OSMR: variants seen among roughly 807,000 people sequenced by gnomAD.
The protein encoded by OSMR is oncostatin-M-specific receptor subunit beta.
Under a neutral mutation model 99.9 loss-of-function variants are expected in OSMR, and 81 were observed. That is an observed-to-expected ratio of 0.81 (90% confidence interval 0.68 to 0.97). The LOEUF (loss-of-function observed/expected upper bound fraction) is 0.97. Ranked by LOEUF, OSMR falls within the 50% of genes least tolerant of loss-of-function variation. OSMR has a pLI of 0.00. For missense variants in OSMR, 1,099 were observed against 1,153.4 expected, an observed-to-expected ratio of 0.95 and a Z score of 0.68; for synonymous variants, 406 against 410.4, an observed-to-expected ratio of 0.99 and a Z score of 0.13.
At chr5:38,893,650 A>G (rs1322637993) in intron 7 of OSMR, among the ~76,000 whole-genome samples, 2 of 146,118 alleles carry the variant, frequency 1.4e-5, no homozygotes, top group East Asian at 3.8e-4. Flanking sequence ...AAAAATGAAC[A>G]AAGTCTTTAA....
At position 38,932,943 on chromosome 5, in the gene OSMR, A is replaced by C; in HGVS notation, c.2439A>C (p.Pro813=). The C allele has an allele frequency of 1.2e-6, 2 of 1,614,230 alleles. No homozygotes were observed. The highest frequency in any genetic ancestry group is 1.7e-6 in the Non-Finnish European group (2 of 1,180,014). ...IPDAIEVVSK[P]EGTKIQFLGT... Reference sequence around the variant, plus strand: ...ATGCTATTGAAGTTGTAAGCAAGCCAGAAGGGACAAAGATACAGTTCCTAG... The same window carrying C: ...ATGCTATTGAAGTTGTAAGCAAGCCCGAAGGGACAAAGATACAGTTCCTAG... Residue 813 remains proline (P), a synonymous_variant, in exon 18 of 18, where the codon CCA becomes CCC. Transcript: ENST00000274276.
At chr5:38,852,599 T>C (rs1463803961) in intron 1 of OSMR, among the ~76,000 whole-genome samples, 8 of 152,174 alleles carry the variant, frequency 5.3e-5, no homozygotes, top group Non-Finnish European at 1.0e-4. Context: ...TTTCCCTCTT[T>C]TCATGAATTA....
chr5:38,940,145 A>AC, downstream of OSMR: 1 of 115,864 alleles, frequency 8.6e-6, no homozygotes, highest in Admixed American at 1.2e-4. Flanking sequence ...AAAAAAAACA[A>AC]AAAAAAAAAC....
intron 1 of OSMR, among the ~76,000 whole-genome samples, chr5:38,859,427 C>G (rs1193732068): frequency 6.6e-6 from 1 of 152,100 alleles, no homozygotes; most frequent in Non-Finnish European, 1.5e-5. Context: ...GAATTTATTT[C>G]TGGGTTCTCT....
intron 7 of OSMR, among the ~76,000 whole-genome samples, chr5:38,887,277 G>A (rs989554407): frequency 6.6e-6 from 1 of 151,960 alleles, no homozygotes; most frequent in Non-Finnish European, 1.5e-5. Flanking sequence ...ATATTTTAAA[G>A]GTATCATTTC....
chr5:38,926,278 G>T (rs1182551974), intron 15 of OSMR, among the ~76,000 whole-genome samples: 2 of 152,168 alleles, frequency 1.3e-5, no homozygotes, highest in African/African-American at 4.8e-5. Context: ...ACATCCTGTT[G>T]GACTGCTGAC....
rs550323119 is a variant in OSMR at position 38,873,786 on chromosome 5, C to G, written c.74-2415C>G. On this transcript the variant is annotated intron_variant, in intron 2 of 17. Transcript: ENST00000274276. Reference sequence around the variant, plus strand: ...GCTTGTTAGCCATTTATATATCTTCCTTGGAGAAATGTTCATTCAAGTCTT... The same window carrying G: ...GCTTGTTAGCCATTTATATATCTTCGTTGGAGAAATGTTCATTCAAGTCTT... 1.1e-4 allele frequency among the ~76,000 whole-genome samples: 16 copies of G among 152,012 alleles called. No individual in the cohort carries two copies. The East Asian group carries it at 3.1e-3, about 29-fold the overall frequency.
intron 7 of OSMR, among the ~76,000 whole-genome samples, chr5:38,894,954 G>A (rs150123024): frequency 1.7e-3 from 262 of 151,286 alleles, no homozygotes; most frequent in African/African-American, 5.9e-3. Flanking sequence ...CCAGATGCTC[G>A]GCCATAAATC....
At chr5:38,896,000 A>T (rs1744485289) in intron 7 of OSMR, among the ~76,000 whole-genome samples, 1 of 151,976 alleles carries the variant, frequency 6.6e-6, no homozygotes, top group Admixed American at 6.5e-5. Context: ...AGTCTGTTCT[A>T]CTGGTCTATG....
chr5:38,849,995 G>A (rs1298807891), intron 1 of OSMR, among the ~76,000 whole-genome samples: 1 of 152,044 alleles, frequency 6.6e-6, no homozygotes. Flanking sequence ...TCCTACTCAT[G>A]GTTTTGCAGA....
chr5:38,892,600 A>G (rs1005119724), intron 7 of OSMR, among the ~76,000 whole-genome samples: 2 of 152,136 alleles, frequency 1.3e-5, no homozygotes, highest in African/African-American at 2.4e-5. Context: ...ATGTCCCCCC[A>G]TACAAGAAGT....
At chr5:38,853,916 T>C (rs1380451799) in intron 1 of OSMR, among the ~76,000 whole-genome samples, 1 of 152,156 alleles carries the variant, frequency 6.6e-6, no homozygotes. Context: ...CCCATGGCTG[T>C]AGCTTCTGAC....
chr5:38,876,391 C>T lies in OSMR; in HGVS notation c.246+18C>T. On this transcript the variant is annotated intron_variant, in intron 3 of 17. Coordinates refer to ENST00000274276, the MANE Select transcript of OSMR (RefSeq NM_003999.3). ...TCTGGGTGGTAAGTAATTTTTTTGG[C>T]TCAATATTTAAAAAATCATCTTTAA... 6.2e-7 allele frequency: 1 copy of T among 1,601,314 alleles called. No homozygotes were observed. Among genetic ancestry groups the T allele is most frequent in the East Asian group, 2.2e-5 (1 of 44,772 alleles).
Position 38,923,217 on chromosome 5 carries a change from T to C in OSMR, c.1833T>C (p.Cys611=), listed in dbSNP as rs1746316952. 1 of 1,611,818 alleles carries C rather than the reference T, an allele frequency of 6.2e-7. No individual in the cohort carries two copies. Among genetic ancestry groups the C allele is most frequent in the Non-Finnish European group, 8.5e-7 (1 of 1,177,970 alleles). The part of the protein sequence containing the change: ...IYGLSTKRIA[C]LLEKKTGYSQ... ...GGTTATCTACAAAAAGGATTGCTTGTTTATTAGAGAAAAAAACAGGATACT... is the reference window on the plus strand; with the variant it reads ...GGTTATCTACAAAAAGGATTGCTTGCTTATTAGAGAAAAAAACAGGATACT... The change falls in exon 13 of 18, where the codon TGT becomes TGC. Residue 611 remains cysteine (C), a synonymous_variant. Transcript: ENST00000274276.
At position 38,879,622 on chromosome 5, in the gene OSMR, C is replaced by CTT. The variant is rs1173567281; in HGVS notation, c.247-1953_247-1952dup. On this transcript the variant is annotated intron_variant, in intron 3 of 17. Coordinates refer to ENST00000274276, the MANE Select transcript of OSMR (RefSeq NM_003999.3). ...GGGGGAAGAGAGGAAATATTTGCTC[C>CTT]TTTTTTTTTTTTTTTTTTTGAGATG... Among the ~76,000 whole-genome samples the CTT allele has an allele frequency of 1.3e-3, 171 of 131,216 alleles. 2 individuals carry two copies. The highest frequency in any genetic ancestry group is 7.3e-3 in the Admixed American group (95 of 13,078). The allele number at this position is 131,216 out of a possible 152,430, so 86.1% of individuals were successfully genotyped here. A position where few individuals can be genotyped will look rare whatever the true frequency, so the allele number is the denominator to read the frequency against.
intron 11 of OSMR, among the ~76,000 whole-genome samples, chr5:38,920,906 T>C (rs566488706): frequency 6.6e-6 from 1 of 152,324 alleles, no homozygotes; most frequent in East Asian, 1.9e-4. Context: ...TATATTGACA[T>C]GGCAGTATTA....
At position 38,932,517 on chromosome 5, in the gene OSMR, G is replaced by A. The variant is rs1316445929; in HGVS notation, c.2349G>A (p.Leu783=). 1.9e-6 allele frequency: 3 copies of A among 1,613,382 alleles called. No individual in the cohort carries two copies. Among genetic ancestry groups the A allele is most frequent in the Non-Finnish European group, 2.5e-6 (3 of 1,179,536 alleles). ...DIPDPYKSSI[L]SLIKFKENPH... ...CTGACCCTTACAAGAGCAGCATCCT[G>A]TCATTAATAAAATTCAAGGTAAATG... The change falls in exon 17 of 18, where the codon CTG becomes CTA. Residue 783 remains leucine (L), a synonymous_variant. Coordinates refer to ENST00000274276, the MANE Select transcript of OSMR (RefSeq NM_003999.3).
rs1746599109 is a variant in OSMR, at chr5:38,928,972, G to A, written c.2213-2911G>A. On this transcript the variant is annotated intron_variant, in intron 15 of 17. Transcript: ENST00000274276. Reference sequence around the variant, plus strand: ...TCTAAGTCTCATTCATCTCCCTTATGTTAAACTTCATTAGCCCTGGCTTGG... The same window carrying A: ...TCTAAGTCTCATTCATCTCCCTTATATTAAACTTCATTAGCCCTGGCTTGG... 2.6e-5 allele frequency among the ~76,000 whole-genome samples: 4 copies of A among 151,970 alleles called. No homozygotes were observed. The South Asian group carries it at 8.3e-4, about 32-fold the overall frequency.
At chr5:38,896,720 G>C (rs1744543523) in intron 7 of OSMR, among the ~76,000 whole-genome samples, 1 of 151,964 alleles carries the variant, frequency 6.6e-6, no homozygotes, top group South Asian at 2.1e-4. Flanking sequence ...TCTTTGTCCT[G>C]TTCCCAATCT....
Sources: gnomAD v4.1 joint callset for allele counts (sites outside exome capture counted in the v4.1 genomes callset) on GRCh38, gnomAD v4.1.1 for gene constraint, MANE v1.5 for transcripts, NCBI Gene and HGNC (gene_info 2026-07-23, HGNC 2026-07-21) for gene names.